The following TBC1D8 variants were observed in gnomAD, a reference collection of about 807,000 sequenced individuals.
TBC1D8 encodes BUB2-like protein 1.
In TBC1D8, 65 loss-of-function variants were observed where a neutral mutation model predicts 118.8. That is an observed-to-expected ratio of 0.55 (90% CI 0.45 to 0.67). TBC1D8 has a LOEUF of 0.67. Ranked by LOEUF, TBC1D8 falls within the 30% of genes least tolerant of loss-of-function variation. TBC1D8 has a pLI of 0.00. For synonymous variants in TBC1D8, 566 were observed against 595.8 expected (o/e 0.95, Z 0.73); for missense variants, 1,376 against 1,471.2 (o/e 0.94, Z 1.06).
chr2:101,059,798 G>A (rs1479518523), intron 2 of TBC1D8, among the ~76,000 whole-genome samples: 1 of 152,170 alleles, frequency 6.6e-6, no homozygotes, highest in Non-Finnish European at 1.5e-5. Flanking sequence ...AATTAGCCGG[G>A]CGTGGTGGCG....
chr2:101,019,161 G>A, intron 17 of TBC1D8: 1 of 1,370,172 alleles, frequency 7.3e-7, no homozygotes, highest in Non-Finnish European at 1.0e-6. Flanking sequence ...TACCCTGGCA[G>A]AGGGCCAGGC....
chr2:101,106,673 C>T (rs1195045522), intron 1 of TBC1D8, among the ~76,000 whole-genome samples: 2 of 152,226 alleles, frequency 1.3e-5, no homozygotes, highest in East Asian at 1.9e-4. Flanking sequence ...AAGCAACACA[C>T]ATTCGGTAGA....
At chr2:101,024,857 G>A (rs1020343175) in intron 15 of TBC1D8, among the ~76,000 whole-genome samples, 1 of 152,186 alleles carries the variant, frequency 6.6e-6, no homozygotes, top group Non-Finnish European at 1.5e-5. Context: ...GGTGCTCAGT[G>A]TCAAGCAGCA....
intron 1 of TBC1D8, among the ~76,000 whole-genome samples, chr2:101,149,166 G>A (rs934802173): frequency 1.3e-5 from 2 of 152,142 alleles, no homozygotes; most frequent in South Asian, 4.1e-4. Flanking sequence ...TTGCATTTAA[G>A]CATAAGAAAA....
chr2:101,109,827 T>G (rs1021009795), intron 1 of TBC1D8: 14 of 985,298 alleles, frequency 1.4e-5, no homozygotes, highest in Admixed American at 1.2e-4. Context: ...ACTACATCAT[T>G]TACAAACCTA....
At chr2:101,150,769 C>T (rs1190022251) in intron 1 of TBC1D8, among the ~76,000 whole-genome samples, 1 of 152,174 alleles carries the variant, frequency 6.6e-6, no homozygotes, top group Non-Finnish European at 1.5e-5. Flanking sequence ...GTCACCTGGC[C>T]CCACACAGCA....
At chr2:101,110,374 G>T (rs1677515149) in intron 1 of TBC1D8, among the ~76,000 whole-genome samples, 1 of 152,098 alleles carries the variant, frequency 6.6e-6, no homozygotes, top group Admixed American at 6.5e-5. Flanking sequence ...AATAAAACCC[G>T]TTTTTAAGAA....
chr2:101,109,990 G>A, intron 1 of TBC1D8: 1 of 985,404 alleles, frequency 1.0e-6, no homozygotes, highest in East Asian at 1.1e-4. Flanking sequence ...CATATGGCTT[G>A]TCTGGCGCTA....
rs537536007 is a variant in TBC1D8 at position 101,103,628 on chromosome 2, A to G, written c.128-13264T>C. On this transcript the variant is annotated intron_variant, in intron 1 of 19. Transcript: ENST00000409318. Reference sequence around the variant, plus strand: ...AGGATGGTCTCGATCTCCTGACCTCATGATCCGCCCGCCTTGGCCTCCCAA... The same window carrying G: ...AGGATGGTCTCGATCTCCTGACCTCGTGATCCGCCCGCCTTGGCCTCCCAA... Among the ~76,000 whole-genome samples the G allele has an allele frequency of 6.7e-3, 1,026 of 152,058 alleles. 9 individuals carry two copies. The highest frequency in any genetic ancestry group is 0.023 in the African/African-American group (968 of 41,484).
chr2:101,059,980 T>C (rs1273263008), intron 2 of TBC1D8, among the ~76,000 whole-genome samples: 4 of 151,938 alleles, frequency 2.6e-5, no homozygotes, highest in Non-Finnish European at 4.4e-5. Context: ...GGGCCACAGT[T>C]TGCCAGATGA....
chr2:101,098,725 AC>A (rs2105466636), intron 1 of TBC1D8, among the ~76,000 whole-genome samples: 1 of 152,304 alleles, frequency 6.6e-6, no homozygotes, highest in Non-Finnish European at 1.5e-5. Flanking sequence ...CCAAAACCAC[AC>A]AATTTCATGG....
In TBC1D8 at chr2:101,007,335, T is replaced by C. The variant is rs1040396831; in HGVS notation, c.*486A>G. On this transcript the variant is annotated 3_prime_UTR_variant, in exon 20 of 20. Coordinates refer to ENST00000409318, the MANE Select transcript of TBC1D8 (RefSeq NM_001330348.2). ...CATATAAAGTGAATACAACCAAATA[T>C]ATTAAAATGGTTTCAATTACCAGCA... 1.3e-5 allele frequency: 2 copies of C among 154,456 alleles called. No individual in the cohort carries two copies. The highest frequency in any genetic ancestry group is 6.4e-5 in the Admixed American group (1 of 15,574). The allele number at this position is 154,456 out of a possible 1,614,324, so 9.6% of individuals were successfully genotyped here. A position where few individuals can be genotyped will look rare whatever the true frequency, so the allele number is the denominator to read the frequency against.
chr2:101,136,467 T>C (rs982288528), intron 1 of TBC1D8, among the ~76,000 whole-genome samples: 1 of 152,168 alleles, frequency 6.6e-6, no homozygotes, highest in African/African-American at 2.4e-5. Flanking sequence ...AATAAAATTC[T>C]TTTCTTTATA....
At chr2:101,140,013 A>G (rs1679033076) in intron 1 of TBC1D8, among the ~76,000 whole-genome samples, 1 of 152,168 alleles carries the variant, frequency 6.6e-6, no homozygotes, top group South Asian at 2.1e-4. Context: ...CTGCTGCTTT[A>G]TCTACAAGTA....
At chr2:101,096,733 C>T (rs1190839961) in intron 1 of TBC1D8, among the ~76,000 whole-genome samples, 1 of 150,412 alleles carries the variant, frequency 6.6e-6, no homozygotes, top group Non-Finnish European at 1.5e-5. Flanking sequence ...GGAAAAAAAT[C>T]AGTGAGCTAG....
intron 1 of TBC1D8, among the ~76,000 whole-genome samples, chr2:101,125,549 C>T (rs1678311947): frequency 6.6e-6 from 1 of 152,194 alleles, no homozygotes. Context: ...CTGGGTCAGC[C>T]CCGTGCCCTT....
At chr2:101,053,524 G>T (rs1682195205) in intron 4 of TBC1D8, among the ~76,000 whole-genome samples, 1 of 152,218 alleles carries the variant, frequency 6.6e-6, no homozygotes, top group African/African-American at 2.4e-5. Flanking sequence ...GGTTCTGGAA[G>T]AAGTGTCCGT....
Position 101,029,707 on chromosome 2 carries a change from A to G in TBC1D8, c.2006T>C (p.Met669Thr). 1 of 1,613,968 alleles carries G rather than the reference A, an allele frequency of 6.2e-7. No individual in the cohort carries two copies. Among genetic ancestry groups the G allele is most frequent in the East Asian group, 2.2e-5 (1 of 44,880 alleles). The change falls in exon 12 of 20, where the codon ATG becomes ACG. Residue 669 changes from methionine (M) to threonine (T), a missense_variant. Transcript: ENST00000409318. The part of the protein sequence containing the change: ...KGHLPELAEH[M>T]NDLSALASVS... Reference sequence around the variant, plus strand: ...GGACGCCAGGGCTGAGAGGTCGTTCATGTGCTCTGCCAGCTCTGGGAGATG... The same window carrying G: ...GGACGCCAGGGCTGAGAGGTCGTTCGTGTGCTCTGCCAGCTCTGGGAGATG...
intron 5 of TBC1D8, among the ~76,000 whole-genome samples, chr2:101,050,058 A>G (rs538777603): frequency 6.6e-6 from 1 of 152,064 alleles, no homozygotes; most frequent in African/African-American, 2.4e-5. Context: ...TGATCTCCTG[A>G]CCTCGTGATC....
Sources: allele counts gnomAD v4.1 joint callset (sites outside exome capture counted in the v4.1 genomes callset), GRCh38; gene constraint gnomAD v4.1.1; transcripts MANE v1.5; gene names NCBI Gene and HGNC (gene_info 2026-07-23, HGNC 2026-07-21).